ODAD2: variants seen among roughly 807,000 people sequenced by gnomAD.
ODAD2 encodes outer dynein arm-docking complex subunit 2.
Under a neutral mutation model 106.8 loss-of-function variants are expected in ODAD2, and 89 were observed. The ratio of observed to expected loss-of-function variants is 0.83; its 90% confidence interval spans 0.70 to 0.99. The LOEUF (loss-of-function observed/expected upper bound fraction) is 0.99, where lower values mean the gene tolerates loss of function less well. Ranked by LOEUF, ODAD2 falls within the 50% of genes least tolerant of loss-of-function variation. The pLI is 0.00. For synonymous variants in ODAD2, 404 were observed against 436.2 expected (o/e 0.93, Z 0.92); for missense variants, 1,168 against 1,238.5 (o/e 0.94, Z 0.85).
chr10:27,863,560 T>C (rs1482223933), intron 17 of ODAD2, among the ~76,000 whole-genome samples: 1 of 152,192 alleles, frequency 6.6e-6, no homozygotes, highest in Non-Finnish European at 1.5e-5. Context: ...GGATCGACTT[T>C]ATATATTCTT....
intron 10 of ODAD2, among the ~76,000 whole-genome samples, 166 bp from the exon 11 acceptor site, chr10:27,945,128 TA>T (rs1250051287): frequency 6.6e-6 from 1 of 152,190 alleles, no homozygotes; most frequent in Non-Finnish European, 1.5e-5. Context: ...CAGAGCATCA[TA>T]AAACATTGTT....
At chr10:27,988,900 T>C (rs911325199) in intron 2 of ODAD2, among the ~76,000 whole-genome samples, 16 of 152,212 alleles carry the variant, frequency 1.1e-4, no homozygotes, top group African/African-American at 3.1e-4. Flanking sequence ...CTATTCTGGG[T>C]ATTTGGAGGA....
intron 10 of ODAD2, among the ~76,000 whole-genome samples, chr10:27,945,554 G>A (rs1846846854): frequency 6.6e-6 from 1 of 152,184 alleles, no homozygotes; most frequent in Admixed American, 6.5e-5. Flanking sequence ...CAAAATCCTG[G>A]CTGAACGCAG....
At chr10:27,834,341 C>G (rs538596496) in intron 19 of ODAD2, among the ~76,000 whole-genome samples, 1 of 152,148 alleles carries the variant, frequency 6.6e-6, no homozygotes, top group Non-Finnish European at 1.5e-5. Context: ...AGGCGCTATC[C>G]CTTGGCCTTC....
At chr10:27,960,206 A>T (rs971068643) in intron 10 of ODAD2, among the ~76,000 whole-genome samples, 1 of 151,528 alleles carries the variant, frequency 6.6e-6, no homozygotes, top group Non-Finnish European at 1.5e-5. Flanking sequence ...ATGTTGGTAA[A>T]ATCATTAGGA....
intron 17 of ODAD2, among the ~76,000 whole-genome samples, chr10:27,871,442 C>T (rs1840877906): frequency 6.6e-6 from 1 of 152,154 alleles, no homozygotes; most frequent in African/African-American, 2.4e-5. Context: ...TGCCTATGTC[C>T]TGAATGGTAT....
chr10:27,890,429 T>C (rs956065730), intron 17 of ODAD2, among the ~76,000 whole-genome samples: 2 of 152,214 alleles, frequency 1.3e-5, no homozygotes, highest in Non-Finnish European at 2.9e-5. Flanking sequence ...CTTTCAAAAT[T>C]AAGTGGTTAA....
chr10:27,911,415 T>C (rs1352951035), intron 16 of ODAD2, among the ~76,000 whole-genome samples: 2 of 152,206 alleles, frequency 1.3e-5, no homozygotes, highest in African/African-American at 4.8e-5. Context: ...TATGAATTCA[T>C]CAATTCAGAA....
chr10:27,918,876 T>C (rs1315088868), intron 16 of ODAD2, among the ~76,000 whole-genome samples: 1 of 150,846 alleles, frequency 6.6e-6, no homozygotes, highest in Non-Finnish European at 1.5e-5. Context: ...TACAAAGGTA[T>C]ATTCAAAAAT....
chr10:27,900,627 A>G (rs1843133983), intron 17 of ODAD2, among the ~76,000 whole-genome samples: 1 of 152,210 alleles, frequency 6.6e-6, no homozygotes, highest in Non-Finnish European at 1.5e-5. Context: ...AAATGACCTG[A>G]TGGAGCTGAA....
chr10:27,916,192 A>C, intron 16 of ODAD2, among the ~76,000 whole-genome samples: 1 of 152,118 alleles, frequency 6.6e-6, no homozygotes, highest in Non-Finnish European at 1.5e-5. Flanking sequence ...GTAGAGCAGC[A>C]TGACAGGAGA....
chr10:27,991,598 T>A (rs1203609412), intron 2 of ODAD2, among the ~76,000 whole-genome samples: 1 of 152,148 alleles, frequency 6.6e-6, no homozygotes, highest in African/African-American at 2.4e-5. Flanking sequence ...GCCATCAATG[T>A]CCACAGAGAC....
At chr10:27,958,847 T>C (rs1847909027) in intron 10 of ODAD2, 9 of 1,303,602 alleles carry the variant, frequency 6.9e-6, no homozygotes, top group African/African-American at 1.5e-5. Flanking sequence ...CCCAAGGCCA[T>C]TGAGTAAGCG....
At chr10:27,913,269 C>G (rs983424734) in intron 16 of ODAD2, among the ~76,000 whole-genome samples, 13 of 151,980 alleles carry the variant, frequency 8.6e-5, no homozygotes, top group Non-Finnish European at 1.8e-4. Context: ...TTTTTCGATC[C>G]TCACCCTCCT....
intron 17 of ODAD2, among the ~76,000 whole-genome samples, chr10:27,870,600 C>A (rs557080375): frequency 2.0e-5 from 3 of 151,912 alleles, no homozygotes; most frequent in African/African-American, 7.3e-5. Flanking sequence ...TGAGAATATG[C>A]GGTGTTTGGT....
chr10:27,866,277 T>C (rs1475413164), intron 17 of ODAD2, among the ~76,000 whole-genome samples: 1 of 152,184 alleles, frequency 6.6e-6, no homozygotes, highest in African/African-American at 2.4e-5. Context: ...TAAATTAACA[T>C]GTAAAAGGTA....
chr10:27,819,759 T>C (rs1269715450), intron 19 of ODAD2, among the ~76,000 whole-genome samples: 6 of 151,072 alleles, frequency 4.0e-5, no homozygotes, highest in African/African-American at 9.7e-5. Context: ...TACCCTTGAC[T>C]ATGGTTTGAT....
At chr10:27,967,994 T>A (rs1848592554) in intron 9 of ODAD2, among the ~76,000 whole-genome samples, 2 of 151,234 alleles carry the variant, frequency 1.3e-5, no homozygotes, top group Admixed American at 6.6e-5. Flanking sequence ...GGGGAAGATC[T>A]CATCTTAAAT....
At chr10:27,956,244 C>T (rs1402851902) in intron 10 of ODAD2, among the ~76,000 whole-genome samples, 10 of 152,130 alleles carry the variant, frequency 6.6e-5, no homozygotes, top group Admixed American at 1.3e-4. Flanking sequence ...TCACTTGGCA[C>T]ACCACCTGCT....
Sources: gnomAD v4.1 joint callset for allele counts (sites outside exome capture counted in the v4.1 genomes callset) on GRCh38, gnomAD v4.1.1 for gene constraint, MANE v1.5 for transcripts, NCBI Gene and HGNC (gene_info 2026-07-23, HGNC 2026-07-21) for gene names.